NOTCH2: variants seen among roughly 807,000 people sequenced by gnomAD.
NOTCH2 encodes neurogenic locus notch homolog protein 2.
NOTCH2 carries 29 observed loss-of-function variants against 235.8 expected under a neutral mutation model. The observed-to-expected ratio is 0.12, with a 90% CI of 0.09 to 0.17. NOTCH2 has a LOEUF of 0.17. NOTCH2 is among the 10% of genes least tolerant of loss of function. The pLI, the probability that NOTCH2 is intolerant of heterozygous loss-of-function variation, is 1.00. For missense variants in NOTCH2, 2,285 were observed against 3,150.2 expected, an observed-to-expected ratio of 0.73 and a Z score of 6.57; for synonymous variants, 1,086 against 1,141.5, an observed-to-expected ratio of 0.95 and a Z score of 0.98.
At chr1:119,938,485 T>C (rs1553196052) in intron 19 of NOTCH2, among the ~76,000 whole-genome samples, 1 of 152,160 alleles carries the variant, frequency 6.6e-6, no homozygotes, top group Non-Finnish European at 1.5e-5. Context: ...GCAGTCCTAG[T>C]GGTGGCAGGT....
At chr1:119,949,819 T>C (rs1173115075) in intron 15 of NOTCH2, among the ~76,000 whole-genome samples, 3 of 152,094 alleles carry the variant, frequency 2.0e-5, no homozygotes, top group Non-Finnish European at 4.4e-5. Flanking sequence ...AGCTCAAGAC[T>C]CCAGGGAAGT....
At position 119,948,579 on chromosome 1, in the gene NOTCH2, G is replaced by A. The variant is rs1272453419; in HGVS notation, c.2600-13C>T. 2 of 1,613,942 alleles carry A rather than the reference G, an allele frequency of 1.2e-6. No homozygotes were observed. Among genetic ancestry groups the A allele is most frequent in the Admixed American group, 1.7e-5 (1 of 59,996 alleles). On this transcript the variant is annotated splice_polypyrimidine_tract_variant and intron_variant, in intron 16 of 33. Coordinates refer to ENST00000256646, the MANE Select transcript of NOTCH2 (RefSeq NM_024408.4). Reference sequence around the variant, plus strand: ...GTACACCGCTGACCTAGGAACACAGGGCCAATAAATGACCTAGTCCTTGGA... The same window carrying A: ...GTACACCGCTGACCTAGGAACACAGAGCCAATAAATGACCTAGTCCTTGGA...
intron 29 of NOTCH2, among the ~76,000 whole-genome samples, chr1:119,921,318 A>G (rs960045767): frequency 6.6e-6 from 1 of 152,350 alleles, no homozygotes; most frequent in African/African-American, 2.4e-5. Context: ...CATTTTGCCA[A>G]TGTCAATGAT....
chr1:120,015,009 T>TTAA (rs1491192006), intron 2 of NOTCH2, among the ~76,000 whole-genome samples: 7 of 109,068 alleles, frequency 6.4e-5, no homozygotes, highest in Non-Finnish European at 8.2e-5. Flanking sequence ...TTTTTTTTTT[T>TTAA]AAAAACGAGG....
chr1:119,958,663 G>T (rs985791114), intron 12 of NOTCH2, among the ~76,000 whole-genome samples: 1 of 151,938 alleles, frequency 6.6e-6, no homozygotes, highest in African/African-American at 2.4e-5. Context: ...AGCACTTTTT[G>T]ATCAGGAGGG....
rs370886572 is a variant in NOTCH2, at chr1:119,917,794, A to G, written c.5930-32T>C. On this transcript the variant is annotated intron_variant, in intron 32 of 33. Coordinates refer to ENST00000256646, the MANE Select transcript of NOTCH2 (RefSeq NM_024408.4). ...GGGAGAAACATTTTTATAAACAGAC[A>G]TATCCTACTCTTAGTATAAGACACT... The G allele has an allele frequency of 8.8e-6, 11 of 1,247,056 alleles. No individual in the cohort carries two copies. The African/African-American group carries it at 1.3e-4, about 15-fold the overall frequency. The allele number at this position is 1,247,056 out of a possible 1,614,324, so 77.2% of individuals were successfully genotyped here. A position where few individuals can be genotyped will look rare whatever the true frequency, so the allele number is the denominator to read the frequency against.
At chr1:120,057,209 TTAAC>T (rs1320375664) in intron 1 of NOTCH2, among the ~76,000 whole-genome samples, 7 of 143,038 alleles carry the variant, frequency 4.9e-5, no homozygotes, top group South Asian at 2.2e-4. Context: ...TTACTGCACT[TTAAC>T]TATGTGCCTG....
intron 24 of NOTCH2, among the ~76,000 whole-genome samples, chr1:119,926,081 T>C (rs1243864437): frequency 6.6e-6 from 1 of 152,174 alleles, no homozygotes; most frequent in Non-Finnish European, 1.5e-5. Context: ...ACAACTTGCT[T>C]CCAAATGGTT....
rs782631621 is a variant in NOTCH2, at chr1:119,963,825, T to C, written c.1682-18A>G. Reference sequence around the variant, plus strand: ...AGTGAAACCTTTGGAAAGAATTTTATCAAGGATTCTCAAAGACCAAGGCAG... The same window carrying C: ...AGTGAAACCTTTGGAAAGAATTTTACCAAGGATTCTCAAAGACCAAGGCAG... On this transcript the variant is annotated intron_variant, in intron 10 of 33. Transcript: ENST00000256646. The C allele has an allele frequency of 1.2e-6, 2 of 1,601,874 alleles. No individual in the cohort carries two copies. The highest frequency in any genetic ancestry group is 2.2e-5 in the East Asian group (1 of 44,814).
intron 1 of NOTCH2, 141 bp downstream of exon 1, chr1:120,069,193 T>C: frequency 1.3e-6 from 2 of 1,528,208 alleles, no homozygotes; most frequent in Non-Finnish European, 1.7e-6. Flanking sequence ...GTCCAAACTC[T>C]TGGGAACCCA....
intron 5 of NOTCH2, among the ~76,000 whole-genome samples, chr1:119,981,851 C>G (rs782011828): frequency 6.6e-6 from 1 of 152,114 alleles, no homozygotes; most frequent in East Asian, 1.9e-4. Context: ...TCCCATTCCT[C>G]CATGTAGAAT....
chr1:119,955,145 C>A lies in NOTCH2; in HGVS notation c.2114G>T (p.Arg705Leu). ...ATGGGGTCCCTCGGGGCATATACAG[C>A]GGAAACCATTCACACCGTTGATACA... ...ATCINGVNGF[R>L]CICPEGPHHP... The change falls in exon 13 of 34, where the codon CGC becomes CTC. Residue 705 changes from arginine to leucine, a missense_variant. Coordinates refer to ENST00000256646, the MANE Select transcript of NOTCH2 (RefSeq NM_024408.4). 2 of 1,614,112 alleles carry A rather than the reference C, an allele frequency of 1.2e-6. No individual in the cohort carries two copies. The highest frequency in any genetic ancestry group is 1.7e-6 in the Non-Finnish European group (2 of 1,180,006).
intron 14 of NOTCH2, among the ~76,000 whole-genome samples, chr1:119,953,155 T>C (rs1650548135): frequency 6.6e-6 from 1 of 152,042 alleles, no homozygotes; most frequent in Non-Finnish European, 1.5e-5. Context: ...CTACTAAAAA[T>C]ACAAAATTAG....
intron 15 of NOTCH2, chr1:119,950,413 T>A (rs1267489084): frequency 2.0e-5 from 10 of 508,776 alleles, no homozygotes; most frequent in African/African-American, 1.7e-4. Context: ...AAATAGCTAA[T>A]GTCCTGGAAA....
Position 119,913,290 on chromosome 1 carries a change from T to C in NOTCH2, c.*2016A>G, listed in dbSNP as rs1648952035. On this transcript the variant is annotated 3_prime_UTR_variant, in exon 34 of 34. Coordinates refer to ENST00000256646, the MANE Select transcript of NOTCH2 (RefSeq NM_024408.4). Reference sequence around the variant, plus strand: ...TTTTTGTTGGTTCAATAAATTTGGATAGGACTGAAAAAACCATTTGTAAAC... The same window carrying C: ...TTTTTGTTGGTTCAATAAATTTGGACAGGACTGAAAAAACCATTTGTAAAC... 1 of 233,312 alleles carries C rather than the reference T, an allele frequency of 4.3e-6. No homozygotes were observed. Among genetic ancestry groups the C allele is most frequent in the East Asian group, 6.0e-5 (1 of 16,594 alleles). 14.5% of individuals were successfully genotyped at this position (233,312 alleles called of 1,614,324 possible). A position where few individuals can be genotyped will look rare whatever the true frequency, so the allele number is the denominator to read the frequency against.
rs587736230 is a variant in NOTCH2 at position 120,025,009 on chromosome 1, T to G, written c.155+4897A>C. ...AAACCCACATTTACAGTTTTGTTTTTTTTTTTATCGTGAAGGTACACCCCA... is the reference window on the plus strand; with the variant it reads ...AAACCCACATTTACAGTTTTGTTTTGTTTTTTATCGTGAAGGTACACCCCA... On this transcript the variant is annotated intron_variant, in intron 2 of 33. Coordinates refer to ENST00000256646, the MANE Select transcript of NOTCH2 (RefSeq NM_024408.4). Among the ~76,000 whole-genome samples the G allele has an allele frequency of 1.7e-3, 261 of 152,106 alleles. 1 individual carries two copies. The highest frequency in any genetic ancestry group is 5.5e-3 in the African/African-American group (229 of 41,476).
intron 5 of NOTCH2, among the ~76,000 whole-genome samples, chr1:119,985,727 C>A (rs782636644): frequency 1.3e-5 from 2 of 152,068 alleles, no homozygotes; most frequent in Non-Finnish European, 2.9e-5. Context: ...ATGTAATTAA[C>A]TTTACAGTAA....
intron 17 of NOTCH2, among the ~76,000 whole-genome samples, chr1:119,946,974 G>T (rs1017922822): frequency 1.3e-5 from 2 of 152,062 alleles, no homozygotes; most frequent in Non-Finnish European, 2.9e-5. Flanking sequence ...AGTTAGTTTA[G>T]TACAGTAAGA....
chr1:119,920,296 C>A lies in NOTCH2; in HGVS notation c.5412G>T (p.Ser1804=). The A allele has an allele frequency of 6.2e-7, 1 of 1,614,140 alleles. No homozygotes were observed. The highest frequency in any genetic ancestry group is 8.5e-7 in the Non-Finnish European group (1 of 1,180,004). The change falls in exon 30 of 34, where the codon TCG becomes TCT. Residue 1804 remains serine (S), a synonymous_variant. Coordinates refer to ENST00000256646, the MANE Select transcript of NOTCH2 (RefSeq NM_024408.4). ...LEAADIRRTP[S]LALTPPQAEQ... ...CTGCCTGAGGAGGGGTGAGAGCCAG[C>A]GATGGTGTCCTACGGATGTCTGCAG... is the stretch of plus-strand genomic sequence containing the variant.
Sources: allele counts gnomAD v4.1 joint callset (sites outside exome capture counted in the v4.1 genomes callset), GRCh38; gene constraint gnomAD v4.1.1; transcripts MANE v1.5; gene names NCBI Gene and HGNC (gene_info 2026-07-23, HGNC 2026-07-21).